The following GAS7 variants were observed in gnomAD, a reference collection of about 807,000 sequenced individuals.
GAS7 encodes the protein growth arrest specific 7, also known as growth arrest-specific protein 7.
A neutral mutation model predicts 71.1 loss-of-function variants in GAS7; 28 were observed. The ratio of observed to expected loss-of-function variants is 0.39; its 90% CI spans 0.29 to 0.54. The LOEUF (loss-of-function observed/expected upper bound fraction) is 0.54, where lower values mean the gene tolerates loss of function less well. Among genes scored for constraint, GAS7 ranks in the 20% least tolerant of loss-of-function variants. GAS7 has a pLI of 0.62. For synonymous variants in GAS7, 258 were observed against 245.8 expected, an observed-to-expected ratio of 1.05 and a Z score of -0.46; for missense variants, 436 against 627.8, an observed-to-expected ratio of 0.69 and a Z score of 3.27.
chr17:10,030,800 G>A (rs1478199838), intron 1 of GAS7, among the ~76,000 whole-genome samples: 2 of 151,944 alleles, frequency 1.3e-5, no homozygotes, highest in Non-Finnish European at 2.9e-5. Flanking sequence ...GACAATGTAT[G>A]TGGCAGCAAT....
chr17:9,981,129 T>TA lies in GAS7; in HGVS notation c.385+674dup, dbSNP rs1346261103. On this transcript the variant is annotated intron_variant, in intron 3 of 13. Transcript: ENST00000432992. This position sits in a 1 kb window ranked among gnomAD's most constrained non-coding sequence, Gnocchi z 4.4. ...CAACATGGCGAAATCCCGTCTCTAC[T>TA]AAAAATACACAAATTAGCCGGGTGT... 6.6e-6 allele frequency among the ~76,000 whole-genome samples: 1 copy of TA among 152,040 alleles called. No individual in the cohort carries two copies. The highest frequency in any genetic ancestry group is 2.4e-5 in the African/African-American group (1 of 41,388).
At chr17:10,008,037 C>T (rs978210098) in intron 2 of GAS7, among the ~76,000 whole-genome samples, 3 of 152,156 alleles carry the variant, frequency 2.0e-5, no homozygotes, top group African/African-American at 7.2e-5. Context: ...GGTTCATCCA[C>T]GTTGTAGCAT....
chr17:9,934,690 C>G (rs2068334157), intron 8 of GAS7, among the ~76,000 whole-genome samples: 1 of 152,198 alleles, frequency 6.6e-6, no homozygotes, highest in Admixed American at 6.5e-5. Context: ...GCTAATAAAT[C>G]AAGGAAGGAA....
At chr17:9,998,632 A>G (rs1031196521) in intron 2 of GAS7, among the ~76,000 whole-genome samples, 2 of 151,916 alleles carry the variant, frequency 1.3e-5, no homozygotes, top group Non-Finnish European at 2.9e-5. Flanking sequence ...ACAGAAAGAA[A>G]AAAAGGCAGA....
In GAS7 at chr17:9,969,876, C is replaced by A. The variant is rs529849984; in HGVS notation, c.386-114G>T. On this transcript the variant is annotated intron_variant, in intron 3 of 13. Transcript: ENST00000432992. The surrounding 1 kb of genome is among the most constrained non-coding windows in gnomAD (Gnocchi z 5.5). ...CCTTCCTTGGCTCTGAGAGGTCTTG[C>A]GTGGCGAAGACCATCCCTCAGGATC... The A allele has an allele frequency of 1.0e-5, 7 of 702,908 alleles. No homozygotes were observed. The highest frequency in any genetic ancestry group is 2.1e-5 in the Admixed American group (1 of 48,400). The allele number at this position is 702,908 out of a possible 1,614,324, so 43.5% of individuals were successfully genotyped here.
chr17:10,074,698 A>G (rs2073373345), intron 1 of GAS7, among the ~76,000 whole-genome samples: 1 of 152,196 alleles, frequency 6.6e-6, no homozygotes, highest in Non-Finnish European at 1.5e-5. Flanking sequence ...TTTTACTGAT[A>G]AGTTTTCTCA....
At chr17:9,934,382 A>G (rs1016495884) in intron 8 of GAS7, 138 bp from the exon 9 acceptor site, 2 of 655,840 alleles carry the variant, frequency 3.0e-6, no homozygotes, top group Non-Finnish European at 5.5e-6. Flanking sequence ...AGTCAGGCAG[A>G]AACCAGACAT....
intron 1 of GAS7, among the ~76,000 whole-genome samples, chr17:10,113,807 T>C (rs1271254684): frequency 6.6e-6 from 1 of 152,252 alleles, no homozygotes; most frequent in East Asian, 1.9e-4. Context: ...CTTTTCACTC[T>C]ACGTTTTTTG....
intron 1 of GAS7, among the ~76,000 whole-genome samples, chr17:10,119,346 T>A (rs1335456334): frequency 6.6e-6 from 1 of 152,196 alleles, no homozygotes. Context: ...ATTAAGTAGT[T>A]ACTGAGTGCT....
At chr17:10,163,540 A>G (rs2142121744) in intron 1 of GAS7, among the ~76,000 whole-genome samples, 1 of 152,336 alleles carries the variant, frequency 6.6e-6, no homozygotes, top group East Asian at 1.9e-4. Flanking sequence ...TACAGATTAA[A>G]GTTGAAAGAA....
At chr17:9,966,523 G>C (rs1187027312) in intron 4 of GAS7, among the ~76,000 whole-genome samples, 1 of 152,128 alleles carries the variant, frequency 6.6e-6, no homozygotes, top group Non-Finnish European at 1.5e-5. Context: ...TATCATGAGT[G>C]ATAACTGACA....
chr17:10,138,745 C>T (rs1026475750), intron 1 of GAS7, among the ~76,000 whole-genome samples: 4 of 151,720 alleles, frequency 2.6e-5, no homozygotes, highest in South Asian at 4.2e-4. Context: ...CCAGCCTGGG[C>T]GACACAGAGA....
chr17:9,952,581 AG>A (rs1372014770), intron 5 of GAS7, among the ~76,000 whole-genome samples: 1 of 152,102 alleles, frequency 6.6e-6, no homozygotes, highest in Non-Finnish European at 1.5e-5. Flanking sequence ...TAGTAGAGAC[AG>A]GGTTTCACCA....
chr17:10,071,744 G>A (rs2073341464), intron 1 of GAS7, among the ~76,000 whole-genome samples: 1 of 151,706 alleles, frequency 6.6e-6, no homozygotes, highest in South Asian at 2.1e-4. Flanking sequence ...TGCCAATATG[G>A]TGAAACCCCT....
intron 2 of GAS7, among the ~76,000 whole-genome samples, chr17:10,017,570 C>T (rs866514220): frequency 5.3e-5 from 8 of 152,306 alleles, no homozygotes; most frequent in African/African-American, 7.2e-5. Context: ...CTCAAGTGAT[C>T]CACCTGCCTC....
intron 2 of GAS7, among the ~76,000 whole-genome samples, chr17:10,006,695 A>G (rs1386296739): frequency 6.6e-6 from 1 of 151,980 alleles, no homozygotes; most frequent in African/African-American, 2.4e-5. Context: ...TTTTTTTAAT[A>G]GCAAAAATGC....
chr17:9,921,742 G>A (rs977997343), intron 11 of GAS7, among the ~76,000 whole-genome samples: 1 of 151,972 alleles, frequency 6.6e-6, no homozygotes, highest in Non-Finnish European at 1.5e-5. Context: ...GGTGGATCAC[G>A]AGGTCAGGAC....
chr17:10,023,995 G>A (rs1291474828), intron 1 of GAS7, among the ~76,000 whole-genome samples: 2 of 152,062 alleles, frequency 1.3e-5, no homozygotes, highest in African/African-American at 4.8e-5. Context: ...ATGGTGGCAG[G>A]TGCCTGTAAT....
chr17:10,053,461 C>T (rs995267099), intron 1 of GAS7, among the ~76,000 whole-genome samples: 9 of 152,140 alleles, frequency 5.9e-5, no homozygotes, highest in Non-Finnish European at 1.2e-4. Flanking sequence ...TTTTAAAGAA[C>T]TGGCATATTT....
Sources: gnomAD v4.1 joint callset for allele counts (sites outside exome capture counted in the v4.1 genomes callset) on GRCh38, gnomAD v4.1.1 for gene constraint, Gnocchi (gnomAD v3.1) non-coding constraint, MANE v1.5 for transcripts, NCBI Gene and HGNC (gene_info 2026-07-23, HGNC 2026-07-21) for gene names.